NTM: variants seen among roughly 807,000 people sequenced by gnomAD.
The protein encoded by NTM is neurotrimin, also known as IgLON family member 2.
In NTM, 13 loss-of-function variants were observed where a neutral mutation model predicts 42.1. The ratio of observed to expected loss-of-function variants is 0.31; its 90% confidence interval spans 0.20 to 0.49. NTM has a LOEUF of 0.49. Ranked by LOEUF, NTM falls within the 20% of genes least tolerant of loss-of-function variation. The probability of loss-of-function intolerance (pLI) is 0.99; values close to 1 mark genes in which losing one functional copy is unlikely to be tolerated. For synonymous variants in NTM, 187 were observed against 179.2 expected (o/e 1.04, Z -0.35); for missense variants, 373 against 452.8 (o/e 0.82, Z 1.60).
At chr11:131,744,909 A>G (rs1414330172) in intron 1 of NTM, among the ~76,000 whole-genome samples, 1 of 152,192 alleles carries the variant, frequency 6.6e-6, no homozygotes, top group Non-Finnish European at 1.5e-5. Flanking sequence ...CCGACTAAAT[A>G]TTAGACAGTT....
intron 1 of NTM, among the ~76,000 whole-genome samples, chr11:131,697,011 G>A (rs2075536514): frequency 6.6e-6 from 1 of 152,206 alleles, no homozygotes; most frequent in African/African-American, 2.4e-5. Context: ...TGAGTATATG[G>A]AGAAAAGCGA....
chr11:131,526,055 G>A (rs2050434232), intron 1 of NTM, among the ~76,000 whole-genome samples: 1 of 147,754 alleles, frequency 6.8e-6, no homozygotes, highest in South Asian at 2.1e-4. Flanking sequence ...CTGTTGTACA[G>A]GTGCAGGTGT....
intron 3 of NTM, among the ~76,000 whole-genome samples, chr11:132,188,876 C>T (rs892246559): frequency 1.4e-4 from 22 of 152,216 alleles, no homozygotes; most frequent in African/African-American, 5.3e-4. Flanking sequence ...CTCTGATTGA[C>T]AGTGTGCATG....
intron 2 of NTM, among the ~76,000 whole-genome samples, chr11:131,972,175 T>G (rs1265484860): frequency 6.6e-6 from 1 of 152,014 alleles, no homozygotes; most frequent in East Asian, 1.9e-4. Flanking sequence ...ATTGCACCAC[T>G]GCACTTCAGC....
chr11:132,188,842 G>T (rs1418176647), intron 3 of NTM, among the ~76,000 whole-genome samples: 1 of 152,178 alleles, frequency 6.6e-6, no homozygotes, highest in African/African-American at 2.4e-5. Context: ...ACTGCACCCT[G>T]GGCTGTCTCC....
At chr11:131,744,625 TA>T (rs147425331) in intron 1 of NTM, among the ~76,000 whole-genome samples, 2 of 151,874 alleles carry the variant, frequency 1.3e-5, no homozygotes, top group Non-Finnish European at 2.9e-5. Context: ...ATGTTTTTTT[TA>T]AAAAAAAGAT....
At chr11:131,727,075 C>G (rs1466049953) in intron 1 of NTM, among the ~76,000 whole-genome samples, 3 of 151,284 alleles carry the variant, frequency 2.0e-5, no homozygotes, top group Non-Finnish European at 4.4e-5. Flanking sequence ...TGGAGCAGCT[C>G]CTCTCTGTTG....
At chr11:131,891,797 TTC>T (rs1429006843) in intron 1 of NTM, among the ~76,000 whole-genome samples, 9 of 151,810 alleles carry the variant, frequency 5.9e-5, no homozygotes, top group Non-Finnish European at 1.2e-4. Flanking sequence ...ATTTTGGACT[TTC>T]TTTCTCTCTC....
At chr11:131,450,540 G>T (rs1334647847) in intron 1 of NTM, among the ~76,000 whole-genome samples, 1 of 152,140 alleles carries the variant, frequency 6.6e-6, no homozygotes, top group Non-Finnish European at 1.5e-5. Context: ...CTTGTCCTGG[G>T]CTGCTTGGCC....
intron 1 of NTM, among the ~76,000 whole-genome samples, chr11:131,482,922 C>A (rs1273844294): frequency 1.3e-5 from 2 of 152,134 alleles, no homozygotes; most frequent in Admixed American, 6.5e-5. Context: ...AAGCTTCAGG[C>A]AGCTGTGTTG....
chr11:131,851,448 T>C (rs1032924097), intron 1 of NTM, among the ~76,000 whole-genome samples: 1 of 152,196 alleles, frequency 6.6e-6, no homozygotes, highest in African/African-American at 2.4e-5. Context: ...TCATTCACCA[T>C]GGATTTTTAT....
At chr11:131,855,322 A>G (rs554716120) in intron 1 of NTM, among the ~76,000 whole-genome samples, 71 of 152,282 alleles carry the variant, frequency 4.7e-4, no homozygotes, top group Admixed American at 3.3e-3. Flanking sequence ...GTATGTCCAT[A>G]ATGTTTTGAT....
At chr11:131,693,409 C>T (rs1312301521) in intron 1 of NTM, among the ~76,000 whole-genome samples, 1 of 152,150 alleles carries the variant, frequency 6.6e-6, no homozygotes, top group Non-Finnish European at 1.5e-5. Context: ...GGAGTTAAAT[C>T]GCCAGGATAA....
intron 1 of NTM, among the ~76,000 whole-genome samples, chr11:131,458,799 A>T (rs1951127448): frequency 6.6e-6 from 1 of 152,256 alleles, no homozygotes; most frequent in Non-Finnish European, 1.5e-5. Flanking sequence ...AACTTAGTTC[A>T]CATCAAGTCA....
intron 2 of NTM, among the ~76,000 whole-genome samples, chr11:132,076,781 A>G (rs1032051237): frequency 6.6e-6 from 1 of 152,224 alleles, no homozygotes; most frequent in South Asian, 2.1e-4. Context: ...ATAGGGCTAC[A>G]TTGAAGATCA....
At chr11:132,078,251 G>T (rs1308379917) in intron 2 of NTM, among the ~76,000 whole-genome samples, 4 of 152,188 alleles carry the variant, frequency 2.6e-5, no homozygotes, top group African/African-American at 9.7e-5. Flanking sequence ...GGACTGCTTG[G>T]CCTGGTGAGG....
chr11:132,166,275 A>G (rs1189591969), intron 3 of NTM, among the ~76,000 whole-genome samples: 10 of 152,244 alleles, frequency 6.6e-5, no homozygotes, highest in Admixed American at 2.6e-4. Context: ...CAGTTTTGCA[A>G]TGAGTCAACC....
chr11:131,999,952 G>A (rs1042093963), intron 2 of NTM, among the ~76,000 whole-genome samples: 8 of 151,808 alleles, frequency 5.3e-5, no homozygotes, highest in African/African-American at 1.2e-4. Context: ...CCCTTCCTGC[G>A]TACTAGTGAT....
intron 1 of NTM, among the ~76,000 whole-genome samples, chr11:131,862,365 G>T (rs568828): frequency 0.8 from 121,134 of 152,128 alleles, 48,462 homozygotes; most frequent in Admixed American, 0.87. Context: ...GCAACTTCCT[G>T]GTCCCTGAGG....
Sources: allele counts gnomAD v4.1 joint callset (sites outside exome capture counted in the v4.1 genomes callset), GRCh38; gene constraint gnomAD v4.1.1; transcripts MANE v1.5; gene names NCBI Gene and HGNC (gene_info 2026-07-23, HGNC 2026-07-21).